The following SYNPO2 variants were observed in gnomAD, a reference collection of about 807,000 sequenced individuals.
The protein encoded by SYNPO2 is synaptopodin 2.
Under a neutral mutation model 85.0 loss-of-function variants are expected in SYNPO2, and 56 were observed. The observed-to-expected ratio is 0.66, with a 90% CI of 0.53 to 0.82. The LOEUF is 0.82. Ranked by LOEUF, SYNPO2 falls within the 40% of genes least tolerant of loss-of-function variation. SYNPO2 has a pLI of 0.00. For missense variants in SYNPO2, 1,575 were observed against 1,534.2 expected (o/e 1.03, Z -0.44); for synonymous variants, 602 against 591.1 (o/e 1.02, Z -0.27).
At chr4:118,890,752 T>C (rs1019516307) in intron 1 of SYNPO2, among the ~76,000 whole-genome samples, 5 of 151,584 alleles carry the variant, frequency 3.3e-5, no homozygotes, top group African/African-American at 9.7e-5. Context: ...TGTGTGTGTG[T>C]GTGTAGGGAG....
intron 1 of SYNPO2, among the ~76,000 whole-genome samples, chr4:118,989,364 G>A (rs1736328213): frequency 6.6e-6 from 1 of 152,202 alleles, no homozygotes; most frequent in Non-Finnish European, 1.5e-5. Context: ...GCTTTGGCAA[G>A]CTTAAGACTG....
chr4:118,884,872 C>T (rs893448475), upstream of SYNPO2, among the ~76,000 whole-genome samples: 1 of 152,086 alleles, frequency 6.6e-6, no homozygotes, highest in Non-Finnish European at 1.5e-5. Flanking sequence ...GGTTAATAAC[C>T]TAGCATAGGA....
intron 1 of SYNPO2, among the ~76,000 whole-genome samples, chr4:118,872,895 C>G (rs1379522491): frequency 6.6e-6 from 1 of 152,190 alleles, no homozygotes; most frequent in East Asian, 1.9e-4. Flanking sequence ...CATTATTTAG[C>G]TCCCACCTAT....
At chr4:118,979,842 A>G (rs1477350892) in intron 1 of SYNPO2, among the ~76,000 whole-genome samples, 1 of 152,258 alleles carries the variant, frequency 6.6e-6, no homozygotes, top group African/African-American at 2.4e-5. Flanking sequence ...CTAGGAGGTC[A>G]GGAAGTTTCT....
Position 119,031,333 on chromosome 4 carries a change from C to T in SYNPO2, c.2558C>T (p.Ala853Val), listed in dbSNP as rs751078933. The T allele has an allele frequency of 1.2e-6, 2 of 1,614,196 alleles. No homozygotes were observed. The highest frequency in any genetic ancestry group is 1.7e-6 in the Non-Finnish European group (2 of 1,180,046). Residue 853 changes from alanine to valine, a missense_variant, in exon 4 of 5, where the codon GCT (alanine) becomes GTT (valine). This residue lies in a region of SYNPO2 where 1,508 missense variants were observed against 1,446.8 expected (regional missense o/e 1.04). Coordinates refer to ENST00000307142, the MANE Select transcript of SYNPO2 (RefSeq NM_133477.3). ...ACAGTTTCCACACCAACAGTCAATG[C>T]TGTTCAGCCTGGTGCAGTGGGACCA... The part of the protein sequence containing the change: ...KPTVSTPTVN[A>V]VQPGAVGPSN...
intron 1 of SYNPO2, among the ~76,000 whole-genome samples, chr4:118,996,856 CAAA>C (rs34947994): frequency 4.2e-5 from 3 of 71,868 alleles, no homozygotes. Context: ...GACTCTGTCT[CAAA>C]AAAAAAAAAA....
intron 1 of SYNPO2, among the ~76,000 whole-genome samples, chr4:118,868,075 A>G (rs1360844365): frequency 4.0e-5 from 6 of 151,276 alleles, no homozygotes; most frequent in East Asian, 1.9e-4. Context: ...CTACGTATTT[A>G]ATGAAAAATA....
At chr4:118,932,568 T>G (rs1327955755) in intron 1 of SYNPO2, among the ~76,000 whole-genome samples, 2 of 152,214 alleles carry the variant, frequency 1.3e-5, no homozygotes, top group Non-Finnish European at 2.9e-5. Flanking sequence ...ATAATCGATT[T>G]TTTTATCCTG....
intron 1 of SYNPO2, among the ~76,000 whole-genome samples, chr4:118,869,127 G>A (rs553524768): frequency 1.6e-4 from 24 of 152,236 alleles, no homozygotes; most frequent in Admixed American, 3.9e-4. Context: ...GTGCAATGGC[G>A]CTCACGGCAA....
At chr4:118,868,332 TA>T (rs1425824650) in intron 1 of SYNPO2, among the ~76,000 whole-genome samples, 2 of 152,268 alleles carry the variant, frequency 1.3e-5, no homozygotes, top group East Asian at 3.9e-4. Context: ...ACCTGTGAAT[TA>T]AATTTTCTTA....
In SYNPO2 at chr4:119,060,080, G is replaced by A. The variant is rs1051214761; in HGVS notation, c.*2146G>A. ...TAGCAGAAAATACTTGGCTTGCCAG[G>A]GCCACGTTCTACTTCATTGCTTTCT... is the stretch of plus-strand genomic sequence containing the variant. On this transcript the variant is annotated 3_prime_UTR_variant, in exon 5 of 5. Coordinates refer to ENST00000307142, the MANE Select transcript of SYNPO2 (RefSeq NM_133477.3). The A allele has an allele frequency of 1.3e-5, 2 of 152,054 alleles. No individual in the cohort carries two copies. The highest frequency in any genetic ancestry group is 4.8e-5 in the African/African-American group (2 of 41,416). The allele number at this position is 152,054 out of a possible 1,614,324, so 9.4% of individuals were successfully genotyped here. A position where few individuals can be genotyped will look rare whatever the true frequency, so the allele number is the denominator to read the frequency against.
At chr4:118,930,995 A>T (rs1001327630) in intron 1 of SYNPO2, among the ~76,000 whole-genome samples, 3 of 151,932 alleles carry the variant, frequency 2.0e-5, no homozygotes, top group Non-Finnish European at 4.4e-5. Context: ...ACCCACAGGG[A>T]TGACTCAGAT....
chr4:119,024,371 C>T (rs775013472), intron 2 of SYNPO2, among the ~76,000 whole-genome samples: 28 of 152,270 alleles, frequency 1.8e-4, no homozygotes, highest in South Asian at 1.0e-3. Flanking sequence ...TCCTGGAGAG[C>T]AGCTTTTAGG....
intron 1 of SYNPO2, among the ~76,000 whole-genome samples, chr4:118,987,565 T>A (rs925878892): frequency 2.0e-5 from 3 of 151,494 alleles, no homozygotes; most frequent in Non-Finnish European, 2.9e-5. Flanking sequence ...TTTGGGAGGC[T>A]ATTTGGGAGG....
chr4:118,990,294 G>A (rs755358375), intron 1 of SYNPO2, among the ~76,000 whole-genome samples: 10 of 152,198 alleles, frequency 6.6e-5, no homozygotes, highest in Non-Finnish European at 1.2e-4. Context: ...ACAAAGAAAC[G>A]TGCAGTGCTG....
At chr4:118,880,744 C>T (rs1357276574) in intron 1 of SYNPO2, among the ~76,000 whole-genome samples, 67 of 59,196 alleles carry the variant, frequency 1.1e-3, no homozygotes, top group Non-Finnish European at 1.0e-3. Context: ...GAGACTCTGT[C>T]CCAAAAAAAA....
At chr4:118,969,106 C>T (rs1056718250) in intron 1 of SYNPO2, among the ~76,000 whole-genome samples, 3 of 152,134 alleles carry the variant, frequency 2.0e-5, no homozygotes, top group Non-Finnish European at 4.4e-5. Flanking sequence ...CTCAAGGGGC[C>T]CTTGCAGCTC....
intron 1 of SYNPO2, among the ~76,000 whole-genome samples, chr4:118,935,858 G>A (rs935056363): frequency 6.6e-6 from 1 of 152,224 alleles, no homozygotes; most frequent in Non-Finnish European, 1.5e-5. Context: ...TTAAGTGGAA[G>A]TGAATCATTA....
In SYNPO2 at chr4:119,060,861, T is replaced by C. The variant is rs1388005640; in HGVS notation, c.*2927T>C. On this transcript the variant is annotated 3_prime_UTR_variant, in exon 5 of 5. Coordinates refer to ENST00000307142, the MANE Select transcript of SYNPO2 (RefSeq NM_133477.3). ...TAAAATTTGTCTTGTATTTTGAGTT[T>C]CTTAAATGCGTGGATTCTTGTTCAT... The C allele has an allele frequency of 2.0e-5, 3 of 152,188 alleles. No homozygotes were observed. The East Asian group carries it at 5.8e-4, about 29-fold the overall frequency. The allele number at this position is 152,188 out of a possible 1,614,324, so 9.4% of individuals were successfully genotyped here. A position where few individuals can be genotyped will look rare whatever the true frequency, so the allele number is the denominator to read the frequency against.
Sources: gnomAD v4.1 joint callset for allele counts (sites outside exome capture counted in the v4.1 genomes callset) on GRCh38, gnomAD v4.1.1 for gene constraint, gnomAD v4.1.1 regional missense constraint, MANE v1.5 for transcripts, NCBI Gene and HGNC (gene_info 2026-07-23, HGNC 2026-07-21) for gene names.